PTPRD: variants seen among roughly 807,000 people sequenced by gnomAD.
PTPRD encodes the protein receptor-type tyrosine-protein phosphatase delta.
Under a neutral mutation model 214.5 loss-of-function variants are expected in PTPRD, and 34 were observed. The observed-to-expected ratio is 0.16, with a 90% CI of 0.12 to 0.21. The LOEUF (loss-of-function observed/expected upper bound fraction) is 0.21, where lower values mean the gene tolerates loss of function less well. PTPRD is among the 10% of genes least tolerant of loss of function. The pLI is 1.00. For synonymous variants in PTPRD, 1,128 were observed against 845.7 expected (o/e 1.33, Z -5.79); for missense variants, 2,545 against 2,398.7 (o/e 1.06, Z -1.27).
chr9:10,067,794 G>T (rs564652676), intron 3 of PTPRD, among the ~76,000 whole-genome samples: 17 of 151,740 alleles, frequency 1.1e-4, no homozygotes, highest in Non-Finnish European at 2.1e-4. Context: ...GCACAAACGA[G>T]TTAGATGCAG....
At chr9:9,112,892 GA>G (rs1039074250) in intron 10 of PTPRD, among the ~76,000 whole-genome samples, 3 of 147,286 alleles carry the variant, frequency 2.0e-5, no homozygotes, top group Admixed American at 7.0e-5. Context: ...CTTTGATGAG[GA>G]AAAAAATGTG....
At chr9:9,114,133 T>C (rs1227324058) in intron 10 of PTPRD, among the ~76,000 whole-genome samples, 1 of 152,128 alleles carries the variant, frequency 6.6e-6, no homozygotes, top group Non-Finnish European at 1.5e-5. Flanking sequence ...TCATTTAAAG[T>C]TTAGTCAATG....
intron 8 of PTPRD, among the ~76,000 whole-genome samples, chr9:9,413,100 C>CTGTTTTTTTTTTTTTTTTT (rs1402914968): frequency 1.6e-5 from 1 of 63,020 alleles, no homozygotes; most frequent in Non-Finnish European, 2.6e-5. Flanking sequence ...CTTGCAGCTT[C>CTGTTTTTTTTTTTTTTTTT]TTTTTTTTTT....
At chr9:8,363,311 A>C (rs1252444371) in intron 39 of PTPRD, among the ~76,000 whole-genome samples, 1 of 152,204 alleles carries the variant, frequency 6.6e-6, no homozygotes, top group Non-Finnish European at 1.5e-5. Flanking sequence ...CATAGGTCAA[A>C]TCTCAATATA....
chr9:9,329,669 G>A (rs2041566150), intron 9 of PTPRD, among the ~76,000 whole-genome samples: 3 of 152,170 alleles, frequency 2.0e-5, no homozygotes, highest in East Asian at 1.9e-4. Flanking sequence ...AGAATTACAT[G>A]GATCACATAA....
At chr9:8,361,427 A>G (rs1281490983) in intron 39 of PTPRD, among the ~76,000 whole-genome samples, 1 of 152,196 alleles carries the variant, frequency 6.6e-6, no homozygotes, top group African/African-American at 2.4e-5. Context: ...AATACTCTGT[A>G]ATCATTTTGA....
chr9:9,435,529 G>C (rs1193621171), intron 8 of PTPRD, among the ~76,000 whole-genome samples: 4 of 152,018 alleles, frequency 2.6e-5, no homozygotes, highest in Non-Finnish European at 1.5e-5. Flanking sequence ...ATTTATTTTT[G>C]TCAACAGATT....
At chr9:9,130,591 T>G (rs2099841139) in intron 10 of PTPRD, among the ~76,000 whole-genome samples, 1 of 152,180 alleles carries the variant, frequency 6.6e-6, no homozygotes, top group Admixed American at 6.5e-5. Flanking sequence ...TTCTCTTTCA[T>G]CTATTTATTG....
At chr9:9,715,982 T>A (rs1289333916) in intron 7 of PTPRD, among the ~76,000 whole-genome samples, 2 of 152,122 alleles carry the variant, frequency 1.3e-5, no homozygotes, top group African/African-American at 4.8e-5. Context: ...TAGGTATATG[T>A]CCTAAAGCTA....
At chr9:10,345,792 G>C (rs1408440440) in intron 2 of PTPRD, among the ~76,000 whole-genome samples, 1 of 152,196 alleles carries the variant, frequency 6.6e-6, no homozygotes, top group Non-Finnish European at 1.5e-5. Flanking sequence ...TAATGGGATT[G>C]CTGAGTCAAA....
intron 5 of PTPRD, among the ~76,000 whole-genome samples, chr9:9,924,338 C>T (rs1194262933): frequency 6.6e-6 from 1 of 152,036 alleles, no homozygotes; most frequent in African/African-American, 2.4e-5. Flanking sequence ...ACATTGCTTT[C>T]TCTATTGAAC....
intron 5 of PTPRD, among the ~76,000 whole-genome samples, chr9:9,855,184 G>T (rs1233827017): frequency 1.3e-5 from 2 of 152,110 alleles, no homozygotes; most frequent in Admixed American, 6.5e-5. Flanking sequence ...AGAGCAAAGG[G>T]TATATAATGT....
chr9:8,504,679 C>T (rs536978199), intron 22 of PTPRD, among the ~76,000 whole-genome samples: 15 of 152,218 alleles, frequency 9.9e-5, no homozygotes, highest in South Asian at 4.1e-4. Context: ...TCAGATAAGA[C>T]GAAGATTGAG....
intron 11 of PTPRD, among the ~76,000 whole-genome samples, chr9:8,920,881 T>G (rs551033932): frequency 6.6e-6 from 1 of 152,270 alleles, no homozygotes; most frequent in East Asian, 1.9e-4. Context: ...TGGTGCAATC[T>G]CGGCTCACCA....
chr9:8,497,197 A>G (rs927062483), intron 26 of PTPRD, 45 bp downstream of exon 26: 9 of 1,514,480 alleles, frequency 5.9e-6, no homozygotes, highest in Middle Eastern at 1.7e-4. Context: ...AGAGAAAACA[A>G]GCATATATAG....
chr9:8,769,309 A>T (rs2095015716), intron 11 of PTPRD, among the ~76,000 whole-genome samples: 1 of 152,182 alleles, frequency 6.6e-6, no homozygotes, highest in African/African-American at 2.4e-5. Flanking sequence ...ACAACGCTAC[A>T]GTTTTGTAAA....
chr9:8,416,537 G>A (rs182381207), intron 35 of PTPRD, among the ~76,000 whole-genome samples: 111 of 152,282 alleles, frequency 7.3e-4, no homozygotes, highest in African/African-American at 2.6e-3. Context: ...GAGGCAGAAG[G>A]AGCAGACTGT....
At chr9:9,985,579 T>C (rs1400817615) in intron 4 of PTPRD, among the ~76,000 whole-genome samples, 1 of 152,148 alleles carries the variant, frequency 6.6e-6, no homozygotes, top group African/African-American at 2.4e-5. Flanking sequence ...GACTTATTCA[T>C]AATCCAAACA....
Position 9,712,217 on chromosome 9 carries a change from T to C in PTPRD, c.-287+22316A>G, listed in dbSNP as rs186040367. 1.4e-3 allele frequency among the ~76,000 whole-genome samples: 216 copies of C among 152,288 alleles called. 1 individual carries two copies. Among genetic ancestry groups the C allele is most frequent in the African/African-American group, 4.6e-3 (193 of 41,572 alleles). On this transcript the variant is annotated intron_variant, in intron 7 of 45. Coordinates refer to ENST00000381196, the MANE Select transcript of PTPRD (RefSeq NM_002839.4). ...TACTTTATCAATGAACATTAAAAAG[T>C]AGCCATCTGGACTGAGAAAGAAAAT...
Sources: gnomAD v4.1 joint callset for allele counts (sites outside exome capture counted in the v4.1 genomes callset) on GRCh38, gnomAD v4.1.1 for gene constraint, MANE v1.5 for transcripts, NCBI Gene and HGNC (gene_info 2026-07-23, HGNC 2026-07-21) for gene names.